Variants in PMEPA1 observed in about 807,000 individuals in gnomAD.
PMEPA1 encodes the protein protein TMEPAI.
PMEPA1 carries 11 observed loss-of-function variants against 23.0 expected under a neutral mutation model. That is an observed-to-expected ratio of 0.48 (90% CI 0.30 to 0.79). The LOEUF (loss-of-function observed/expected upper bound fraction) is 0.79. PMEPA1 is among the 30% of genes least tolerant of loss of function. The pLI, the probability that PMEPA1 is intolerant of heterozygous loss-of-function variation, is 0.06. For synonymous variants in PMEPA1, 204 were observed against 166.4 expected, an observed-to-expected ratio of 1.23 and a Z score of -1.74; for missense variants, 377 against 390.9, an observed-to-expected ratio of 0.96 and a Z score of 0.30.
chr20:57,692,796 T>C (rs1200241957), intron 1 of PMEPA1, among the ~76,000 whole-genome samples: 2 of 152,192 alleles, frequency 1.3e-5, no homozygotes, highest in Non-Finnish European at 2.9e-5. Flanking sequence ...CAGGCCAGGC[T>C]AAGTGGGAGG....
At position 57,653,068 on chromosome 20, in the gene PMEPA1, A is replaced by C. The variant is rs2071276531; in HGVS notation, c.283T>G (p.Ser95Ala). 1 of 1,590,706 alleles carries C rather than the reference A, an allele frequency of 6.3e-7. No individual in the cohort carries two copies. The highest frequency in any genetic ancestry group is 1.8e-5 in the Admixed American group (1 of 56,546). ...CCGTTGCCTGACACTGTGCTCTCCG[A>C]GGGCCACAGGCATCCTTCCTGCACA... is the stretch of plus-strand genomic sequence containing the variant. The part of the protein sequence containing the change: ...ALSSEGCLWP[S>A]ESTVSGNGIP... The change falls in exon 3 of 4, where the codon TCG becomes GCG. Residue 95 changes from serine to alanine, a missense_variant. Physicochemically the swap from Ser to Ala is moderately conservative, Grantham distance 99. This residue lies in a region of PMEPA1 where 198 missense variants were observed against 196.3 expected (regional missense o/e 1.01). Transcript: ENST00000341744.
intron 1 of PMEPA1, among the ~76,000 whole-genome samples, chr20:57,680,068 A>T (rs2071691938): frequency 6.6e-6 from 1 of 152,166 alleles, no homozygotes; most frequent in African/African-American, 2.4e-5. Flanking sequence ...AGCTTGTGGC[A>T]TGGAGTCTGG....
intron 1 of PMEPA1, among the ~76,000 whole-genome samples, chr20:57,663,420 G>C (rs1404194084): frequency 6.6e-6 from 1 of 152,128 alleles, no homozygotes; most frequent in Non-Finnish European, 1.5e-5. Context: ...TCAGCGGGGG[G>C]ACGGTGGGCA....
At chr20:57,690,261 C>G (rs2071859736) in intron 1 of PMEPA1, 1 of 457,140 alleles carries the variant, frequency 2.2e-6, no homozygotes, top group African/African-American at 2.0e-5. Context: ...AGACGCTGGG[C>G]AGCGGCTTGG....
rs1053630464 is a variant in PMEPA1 at position 57,650,982 on chromosome 20, C to T, written c.*1071G>A. On this transcript the variant is annotated 3_prime_UTR_variant, in exon 4 of 4. Transcript: ENST00000341744. ...TGTCCCTGGTAGCCCGGGCACCAGC[C>T]GCTGCGGCTTGTGAGGGGCACCATG... is the stretch of plus-strand genomic sequence containing the variant. 3.3e-5 allele frequency: 5 copies of T among 152,352 alleles called. No individual in the cohort carries two copies. The highest frequency in any genetic ancestry group is 9.6e-5 in the African/African-American group (4 of 41,574). The allele number at this position is 152,352 out of a possible 1,614,324, so 9.4% of individuals were successfully genotyped here.
intron 1 of PMEPA1, among the ~76,000 whole-genome samples, chr20:57,708,988 G>A (rs2072125908): frequency 6.6e-6 from 1 of 151,638 alleles, no homozygotes; most frequent in African/African-American, 2.4e-5. Context: ...ACAGACGCAC[G>A]GACATCCACT....
At chr20:57,688,268 G>C (rs1020793611) in intron 1 of PMEPA1, among the ~76,000 whole-genome samples, 2 of 152,152 alleles carry the variant, frequency 1.3e-5, no homozygotes, top group Non-Finnish European at 2.9e-5. Context: ...GTTGGAGAGG[G>C]GGGTGTCTGG....
In PMEPA1 at chr20:57,674,640, C is replaced by T. The variant is rs112870159; in HGVS notation, c.110-14943G>A. Among the ~76,000 whole-genome samples, 660 of 152,336 alleles carry T rather than the reference C, an allele frequency of 4.3e-3. 1 individual carries two copies. Among genetic ancestry groups the T allele is most frequent in the Middle Eastern group, 0.01 (3 of 294 alleles). On this transcript the variant is annotated intron_variant, in intron 1 of 3. Coordinates refer to ENST00000341744, the MANE Select transcript of PMEPA1 (RefSeq NM_020182.5). ...CCTGCCCTCTGTCTCCATGCAGGGA[C>T]GCCCAGGGGGATGTCTTATTTTATT...
intron 1 of PMEPA1, among the ~76,000 whole-genome samples, chr20:57,677,476 C>T (rs1346735166): frequency 6.6e-6 from 1 of 152,194 alleles, no homozygotes; most frequent in East Asian, 1.9e-4. Context: ...TGAGGGCTAA[C>T]ACCACACCTG....
At chr20:57,691,073 T>C (rs982236833) in intron 1 of PMEPA1, among the ~76,000 whole-genome samples, 2 of 152,094 alleles carry the variant, frequency 1.3e-5, no homozygotes, top group African/African-American at 2.4e-5. Context: ...TGTTCTACAG[T>C]CATTGGTTTT....
At chr20:57,661,555 C>A (rs543661577) in intron 1 of PMEPA1, among the ~76,000 whole-genome samples, 2 of 152,224 alleles carry the variant, frequency 1.3e-5, no homozygotes, top group Non-Finnish European at 2.9e-5. Context: ...AAGCCCAGTG[C>A]CACTGACTCA....
At chr20:57,658,905 G>A (rs557846764) in intron 2 of PMEPA1, among the ~76,000 whole-genome samples, 3 of 152,256 alleles carry the variant, frequency 2.0e-5, no homozygotes, top group East Asian at 1.9e-4. Context: ...GCCAAATGCC[G>A]GCCCCTCGTC....
intron 1 of PMEPA1, among the ~76,000 whole-genome samples, chr20:57,664,471 G>A (rs1037294688): frequency 2.0e-5 from 3 of 152,194 alleles, no homozygotes; most frequent in African/African-American, 4.8e-5. Context: ...CAAAGGCCTT[G>A]GAGTCAAGTT....
chr20:57,652,400 C>G lies in PMEPA1; in HGVS notation c.517G>C (p.Glu173Gln). ...TCCCGGTTCAGTTCCAGCTGCTGCT[C>G]GGGGTCCCGAAGCTGGAGGGTGCAG... ...GPCTLQLRDPEQQLELNRESV... is the reference protein window; with the variant it reads ...GPCTLQLRDPQQQLELNRESV... Residue 173 changes from glutamate (E) to glutamine (Q), a missense_variant, in exon 4 of 4, where the codon GAG becomes CAG. By Grantham distance (29) the Glu-to-Gln change is conservative. This residue lies in a region of PMEPA1 where 176 missense variants were observed against 173.0 expected (regional missense o/e 1.02). Coordinates refer to ENST00000341744, the MANE Select transcript of PMEPA1 (RefSeq NM_020182.5). The surrounding 1 kb of genome is among the most constrained non-coding windows in gnomAD (Gnocchi z 6.1). 1 of 1,613,778 alleles carries G rather than the reference C, an allele frequency of 6.2e-7. No individual in the cohort carries two copies. The highest frequency in any genetic ancestry group is 8.5e-7 in the Non-Finnish European group (1 of 1,179,910).
chr20:57,658,368 T>C (rs1406484610), intron 2 of PMEPA1, among the ~76,000 whole-genome samples: 1 of 152,192 alleles, frequency 6.6e-6, no homozygotes, highest in East Asian at 1.9e-4. Flanking sequence ...CCCAACTTCC[T>C]GGCCACGGCC....
rs548204436 is a variant in PMEPA1, at chr20:57,657,378, C to T, written c.264+2165G>A. Among the ~76,000 whole-genome samples, 25 of 152,300 alleles carry T rather than the reference C, an allele frequency of 1.6e-4. No homozygotes were observed. In the East Asian group the frequency reaches 2.5e-3, roughly 15 times the overall value. On this transcript the variant is annotated intron_variant, in intron 2 of 3. Transcript: ENST00000341744. ...GGAATAGGCTGTGGGCTCTTCACACCGGCAGTGACAAGCAGTGTGGCCTCC... is the reference window on the plus strand; with the variant it reads ...GGAATAGGCTGTGGGCTCTTCACACTGGCAGTGACAAGCAGTGTGGCCTCC...
In PMEPA1 at chr20:57,650,905, C is replaced by G. The variant is rs1355634514; in HGVS notation, c.*1148G>C. 6.6e-6 allele frequency: 1 copy of G among 152,250 alleles called. No individual in the cohort carries two copies. The highest frequency in any genetic ancestry group is 1.9e-4 in the East Asian group (1 of 5,190). 9.4% of individuals were successfully genotyped at this position (152,250 alleles called of 1,614,324 possible). A position where few individuals can be genotyped will look rare whatever the true frequency, so the allele number is the denominator to read the frequency against. ...CCTTCACCGGTGAACCTTTAGCCAG[C>G]TGAACAACCACCAAAGCGCCCTGCA... On this transcript the variant is annotated 3_prime_UTR_variant, in exon 4 of 4. Transcript: ENST00000341744.
intron 1 of PMEPA1, among the ~76,000 whole-genome samples, chr20:57,666,050 T>C (rs1221678369): frequency 1.3e-5 from 2 of 151,894 alleles, no homozygotes; most frequent in Non-Finnish European, 2.9e-5. Flanking sequence ...CTTCGTAATT[T>C]TTCCCTTGGG....
intron 1 of PMEPA1, among the ~76,000 whole-genome samples, chr20:57,678,669 A>C (rs2071671385): frequency 1.3e-5 from 2 of 152,254 alleles, no homozygotes; most frequent in Admixed American, 6.5e-5. Context: ...CCCAGGTTTG[A>C]AGATTAAATT....
Sources: allele counts gnomAD v4.1 joint callset (sites outside exome capture counted in the v4.1 genomes callset), GRCh38; gene constraint gnomAD v4.1.1; regional missense constraint gnomAD v4.1.1; non-coding constraint Gnocchi (gnomAD v3.1); transcripts MANE v1.5; gene names NCBI Gene and HGNC (gene_info 2026-07-23, HGNC 2026-07-21).